The following LPCAT4 variants were observed in gnomAD, a reference collection of about 807,000 sequenced individuals.
LPCAT4 encodes lysophospholipid acyltransferase LPCAT4.
LPCAT4 carries 30 observed loss-of-function variants against 66.5 expected under a neutral mutation model. The observed-to-expected ratio is 0.45, with a 90% CI of 0.34 to 0.61. The LOEUF (loss-of-function observed/expected upper bound fraction) is 0.61. LPCAT4 is among the 20% of genes least tolerant of loss of function. The pLI is 0.01. For missense variants in LPCAT4, 557 were observed against 656.7 expected (o/e 0.85, Z 1.66); for synonymous variants, 253 against 262.1 (o/e 0.97, Z 0.34).
intron 1 of LPCAT4, 115 bp downstream of exon 1, chr15:34,366,872 A>G (rs971076524): frequency 1.1e-5 from 16 of 1,481,530 alleles, no homozygotes; most frequent in Non-Finnish European, 1.3e-5. Context: ...CCCGCTCCGC[A>G]AGCCTCTCAG....
intron 3 of LPCAT4, 122 bp from the exon 4 acceptor site, chr15:34,364,428 G>A (rs370255406): frequency 9.2e-6 from 4 of 432,722 alleles, no homozygotes; most frequent in Non-Finnish European, 1.6e-5. Flanking sequence ...TTTTTTTTCT[G>A]TTGTTGTTGT....
chr15:34,367,177 A>AGCG lies in LPCAT4; in HGVS notation c.-80_-78dup, dbSNP rs1427829572. 9.5e-6 allele frequency: 12 copies of AGCG among 1,267,306 alleles called. No individual in the cohort carries two copies. The highest frequency in any genetic ancestry group is 3.1e-4 in the Middle Eastern group (1 of 3,236). 78.5% of individuals were successfully genotyped at this position (1,267,306 alleles called of 1,614,324 possible). A position where few individuals can be genotyped will look rare whatever the true frequency, so the allele number is the denominator to read the frequency against. Reference sequence around the variant, plus strand: ...TCTGCAGAGCAGCTGCTGCTGCAGCAGCGGCGGCGGCGGCGCTCTGGCCCG... The same window carrying AGCG: ...TCTGCAGAGCAGCTGCTGCTGCAGCAGCGGCGGCGGCGGCGGCGCTCTGGCCCG... On this transcript the variant is annotated 5_prime_UTR_variant, in exon 1 of 14. Coordinates refer to ENST00000314891, the MANE Select transcript of LPCAT4 (RefSeq NM_153613.3).
chr15:34,361,354 G>C, intron 11 of LPCAT4, 46 bp downstream of exon 11: 1 of 1,611,624 alleles, frequency 6.2e-7, no homozygotes, highest in African/African-American at 1.3e-5. Flanking sequence ...TGTCAGCCTG[G>C]AGGGAAGCCT....
intron 3 of LPCAT4, 103 bp from the exon 4 acceptor site, chr15:34,364,409 C>T (rs1361642820): frequency 3.3e-6 from 2 of 600,662 alleles, no homozygotes; most frequent in Non-Finnish European, 2.8e-6. Context: ...TTTCTGTTAT[C>T]TCTTTTTTTT....
chr15:34,366,929 A>C, intron 1 of LPCAT4, 58 bp downstream of exon 1: 1 of 1,527,496 alleles, frequency 6.5e-7, no homozygotes, highest in Non-Finnish European at 8.8e-7. Flanking sequence ...CCAGGGCTCA[A>C]ATGGCCCCAT....
chr15:34,361,622 T>C, intron 10 of LPCAT4, 90 bp from the exon 11 acceptor site: 2 of 1,521,308 alleles, frequency 1.3e-6, no homozygotes, highest in Admixed American at 3.5e-5. Flanking sequence ...CCAAGAGTTC[T>C]ATCAGTACAG....
Position 34,364,315 on chromosome 15 carries a change from G to A in LPCAT4, c.479-9C>T. 1 of 1,589,130 alleles carries A rather than the reference G, an allele frequency of 6.3e-7. No homozygotes were observed. The highest frequency in any genetic ancestry group is 8.6e-7 in the Non-Finnish European group (1 of 1,157,888). On this transcript the variant is annotated splice_polypyrimidine_tract_variant and intron_variant, in intron 3 of 13. Coordinates refer to ENST00000314891, the MANE Select transcript of LPCAT4 (RefSeq NM_153613.3). ...GTTGAATCGAAGAAGGGCTGGGGTT[G>A]GGAAGGATACAAAGAGGAATCACTT...
At position 34,364,281 on chromosome 15, in the gene LPCAT4, G is replaced by C; in HGVS notation, c.504C>G (p.Ile168Met). The change falls in exon 4 of 14, where the codon ATC becomes ATG. Residue 168 changes from isoleucine to methionine, a missense_variant. By Grantham distance (10) the Ile-to-Met change is conservative. Around this residue, in one of 4 missense-constraint regions of LPCAT4, gnomAD observed 392 missense variants for 473.9 expected, o/e 0.83. Coordinates refer to ENST00000314891, the MANE Select transcript of LPCAT4 (RefSeq NM_153613.3). Reference sequence around the variant, plus strand: ...AAGCCGGGTCATGCCGGGATACCAGGATGGCTTGGTTGAATCGAAGAAGGG... The same window carrying C: ...AAGCCGGGTCATGCCGGGATACCAGCATGGCTTGGTTGAATCGAAGAAGGG... ...IGALLRFNQA[I>M]LVSRHDPASR... The C allele has an allele frequency of 6.2e-7, 1 of 1,613,962 alleles. No individual in the cohort carries two copies.
intron 10 of LPCAT4, 92 bp downstream of exon 10, chr15:34,362,104 T>G: frequency 1.3e-6 from 2 of 1,502,334 alleles, no homozygotes; most frequent in Non-Finnish European, 1.8e-6. Flanking sequence ...ATTTTTAAGA[T>G]TTTCCTTCTT....
Position 34,359,760 on chromosome 15 carries a change from G to T in LPCAT4, c.1243-15C>A. ...TCAGCAAAGAGCTTGGGAGAGAAAG[G>T]GATAAGAGTCAAGTTCTCTCCTCAT... On this transcript the variant is annotated splice_polypyrimidine_tract_variant and intron_variant, in intron 12 of 13. Transcript: ENST00000314891. The T allele has an allele frequency of 6.2e-7, 1 of 1,606,078 alleles. No homozygotes were observed. The highest frequency in any genetic ancestry group is 8.5e-7 in the Non-Finnish European group (1 of 1,176,594).
At chr15:34,361,223 T>G in intron 11 of LPCAT4, 177 bp downstream of exon 11, 6 of 1,489,200 alleles carry the variant, frequency 4.0e-6, no homozygotes, top group Non-Finnish European at 4.4e-6. Flanking sequence ...TTCAATGCAC[T>G]GGATGCCTGA....
chr15:34,365,724 C>T (rs771569830), intron 1 of LPCAT4, 23 bp from the exon 2 acceptor site: 1 of 1,612,114 alleles, frequency 6.2e-7, no homozygotes. Flanking sequence ...GGAGAGAATG[C>T]CACTTTAGAG....
At position 34,360,181 on chromosome 15, in the gene LPCAT4, T is replaced by A. The variant is rs1890910241; in HGVS notation, c.1172A>T (p.Asp391Val). The change falls in exon 12 of 14, where the codon GAT (aspartate) becomes GTT (valine). Residue 391 changes from aspartate to valine, a missense_variant. Asp to Val is a radical substitution (Grantham distance 152, BLOSUM62 -3). This residue lies in a region of LPCAT4 where 392 missense variants were observed against 473.9 expected (regional missense o/e 0.83). Transcript: ENST00000314891. ...CAGAGCTGCTAGTGCAAGGGCCACA[T>A]CTCGGAAGTCCACCAAACCCTTGGT... is the stretch of plus-strand genomic sequence containing the variant. ...QDTKGLVDFR[D>V]VALALAALDG... The A allele has an allele frequency of 1.2e-6, 2 of 1,613,112 alleles. No homozygotes were observed. Among genetic ancestry groups the A allele is most frequent in the Non-Finnish European group, 1.7e-6 (2 of 1,179,774 alleles).
Position 34,363,034 on chromosome 15 carries a change from G to A in LPCAT4, c.747-198C>T, listed in dbSNP as rs557292662. On this transcript the variant is annotated intron_variant, in intron 7 of 13. Transcript: ENST00000314891. This position sits in a 1 kb window ranked among gnomAD's most constrained non-coding sequence, Gnocchi z 4.3. ...AGACACAAGGAACGGCCAGAAACGC[G>A]GTAGGGAAAGAGAGCAGAGCTGCAT... 9.9e-5 allele frequency: 63 copies of A among 638,292 alleles called. No individual in the cohort carries two copies. Among genetic ancestry groups the A allele is most frequent in the South Asian group, 7.9e-4 (44 of 55,356 alleles). 39.5% of individuals were successfully genotyped at this position (638,292 alleles called of 1,614,324 possible).
chr15:34,365,732 G>C (rs1462719435), intron 1 of LPCAT4, 31 bp from the exon 2 acceptor site: 1 of 1,611,274 alleles, frequency 6.2e-7, no homozygotes, highest in Non-Finnish European at 8.5e-7. Context: ...TGCCACTTTA[G>C]AGCTTGGATA....
chr15:34,362,542 T>G (rs778671592), intron 9 of LPCAT4, 31 bp downstream of exon 9: 1 of 1,528,748 alleles, frequency 6.5e-7, no homozygotes, highest in Admixed American at 2.1e-5. Context: ...CCTGTGCAAC[T>G]GCTCCAGGAA....
At chr15:34,364,376 C>T (rs1285431442) in intron 3 of LPCAT4, 70 bp from the exon 4 acceptor site, 5 of 867,638 alleles carry the variant, frequency 5.8e-6, no homozygotes, top group Non-Finnish European at 9.4e-6. Context: ...CTGCAGCCTC[C>T]ACTTCCTCAA....
In LPCAT4 at chr15:34,364,314, TG is replaced by T. The variant is rs761953870; in HGVS notation, c.479-9del. ...GGTTGAATCGAAGAAGGGCTGGGGT[TG>T]GGAAGGATACAAAGAGGAATCACTT... is the stretch of plus-strand genomic sequence containing the variant. On this transcript the variant is annotated splice_polypyrimidine_tract_variant and intron_variant, in intron 3 of 13. Transcript: ENST00000314891. 3.1e-6 allele frequency: 5 copies of T among 1,593,000 alleles called. No individual in the cohort carries two copies.
rs1297699894 is a variant in LPCAT4 at position 34,359,854 on chromosome 15, A to G, written c.1243-109T>C. ...TCCTCTTCCAAAAGGGTGGTGCACA[A>G]GCCTTCCCTGACCCTCCAGTGCCCT... is the stretch of plus-strand genomic sequence containing the variant. On this transcript the variant is annotated intron_variant, in intron 12 of 13. Transcript: ENST00000314891. The G allele has an allele frequency of 3.3e-6, 4 of 1,200,100 alleles. No homozygotes were observed. The East Asian group carries it at 7.7e-5, about 23-fold the overall frequency. The allele number at this position is 1,200,100 out of a possible 1,614,324, so 74.3% of individuals were successfully genotyped here.
Sources: gnomAD v4.1 joint callset for allele counts on GRCh38, gnomAD v4.1.1 for gene constraint, gnomAD v4.1.1 regional missense constraint, Gnocchi (gnomAD v3.1) non-coding constraint, MANE v1.5 for transcripts, NCBI Gene and HGNC (gene_info 2026-07-23, HGNC 2026-07-21) for gene names.